LMAN2: variants seen among roughly 807,000 people sequenced by gnomAD.
The protein encoded by LMAN2 is vesicular integral-membrane protein VIP36.
In LMAN2, 22 loss-of-function variants were observed where a neutral mutation model predicts 39.3. The ratio of observed to expected loss-of-function variants is 0.56; its 90% CI spans 0.40 to 0.80. The LOEUF is 0.80. LMAN2 is among the 30% of genes least tolerant of loss of function. The probability of loss-of-function intolerance (pLI) is 0.00; values close to 1 mark genes in which losing one functional copy is unlikely to be tolerated. For missense variants in LMAN2, 494 were observed against 505.4 expected, an observed-to-expected ratio of 0.98 and a Z score of 0.22; for synonymous variants, 207 against 207.8, an observed-to-expected ratio of 1.00 and a Z score of 0.03.
At chr5:177,348,056 T>C (rs929756924) in intron 2 of LMAN2, among the ~76,000 whole-genome samples, 1 of 152,202 alleles carries the variant, frequency 6.6e-6, no homozygotes, top group African/African-American at 2.4e-5. Context: ...GTAGAAGTGG[T>C]ACTGAACTTG....
At position 177,346,461 on chromosome 5, in the gene LMAN2, G is replaced by T. The variant is rs1761639703; in HGVS notation, c.315+4712C>A. On this transcript the variant is annotated intron_variant, in intron 2 of 7. Transcript: ENST00000303127. ...TTTAATAAATTGATTACCGGTTGTT[G>T]TTTTTTTTTTAAAAAAAGCAAGCTT... 2.5e-5 allele frequency: 7 copies of T among 283,574 alleles called. No individual in the cohort carries two copies. In the South Asian group the frequency reaches 3.2e-4, roughly 13 times the overall value. The allele number at this position is 283,574 out of a possible 1,614,324, so 17.6% of individuals were successfully genotyped here.
In LMAN2 at chr5:177,332,368, C is replaced by T; in HGVS notation, c.911-122G>A. 1.1e-6 allele frequency: 1 copy of T among 878,684 alleles called. No individual in the cohort carries two copies. The highest frequency in any genetic ancestry group is 1.7e-6 in the Non-Finnish European group (1 of 573,930). 54.4% of individuals were successfully genotyped at this position (878,684 alleles called of 1,614,324 possible). On this transcript the variant is annotated intron_variant, in intron 7 of 7. Coordinates refer to ENST00000303127, the MANE Select transcript of LMAN2 (RefSeq NM_006816.3). This position sits in a 1 kb window ranked among gnomAD's most constrained non-coding sequence, Gnocchi z 6.3. ...CGGTGGGCAGGCCGGTCGTACTCAC[C>T]CCCCTCACCGGGGAGGGGCAGAGGT...
intron 2 of LMAN2, among the ~76,000 whole-genome samples, chr5:177,343,309 T>A (rs568301613): frequency 6.6e-6 from 1 of 152,180 alleles, no homozygotes; most frequent in Non-Finnish European, 1.5e-5. Context: ...ATTGGAATCC[T>A]TGTGCATTGC....
At chr5:177,339,265 C>T (rs1410973296) in intron 2 of LMAN2, among the ~76,000 whole-genome samples, 5 of 152,248 alleles carry the variant, frequency 3.3e-5, no homozygotes, top group Non-Finnish European at 5.9e-5. Context: ...ACCCTGCTAA[C>T]CAACCTTCCC....
chr5:177,345,785 T>TTTA (rs1258106131), intron 2 of LMAN2, among the ~76,000 whole-genome samples: 27 of 113,036 alleles, frequency 2.4e-4, no homozygotes, highest in South Asian at 9.3e-4. Flanking sequence ...TTATTTATTT[T>TTTA]TTGAGACAGT....
rs558106044 is a variant in LMAN2 at position 177,345,669 on chromosome 5, G to C, written c.315+5504C>G. On this transcript the variant is annotated intron_variant, in intron 2 of 7. Transcript: ENST00000303127. ...CTGTGGTCTGCCCGCTCCTGCTCCT[G>C]CCTCACCACTGTTTGCTCTGGCTGA... Among the ~76,000 whole-genome samples the C allele has an allele frequency of 3.5e-4, 53 of 152,262 alleles. 1 individual carries two copies. The highest frequency in any genetic ancestry group is 1.3e-3 in the African/African-American group (53 of 41,590).
intron 2 of LMAN2, among the ~76,000 whole-genome samples, chr5:177,348,199 T>C (rs1761663803): frequency 1.3e-5 from 2 of 152,204 alleles, no homozygotes; most frequent in African/African-American, 2.4e-5. Context: ...TTATCAAGTG[T>C]GTACAGATAA....
At chr5:177,333,673 G>A (rs1263207176) in intron 7 of LMAN2, among the ~76,000 whole-genome samples, 1 of 152,218 alleles carries the variant, frequency 6.6e-6, no homozygotes, top group East Asian at 1.9e-4. Context: ...GGCTCTTAGG[G>A]TGGACTTCTC....
chr5:177,332,383 G>C lies in LMAN2; in HGVS notation c.911-137C>G. 3.9e-6 allele frequency: 3 copies of C among 768,236 alleles called. No individual in the cohort carries two copies. The South Asian group carries it at 5.1e-5, about 13-fold the overall frequency. 47.6% of individuals were successfully genotyped at this position (768,236 alleles called of 1,614,324 possible). ...TCGTACTCACCCCCCTCACCGGGGA[G>C]GGGCAGAGGTCAGGTGAAGCCCATC... is the stretch of plus-strand genomic sequence containing the variant. On this transcript the variant is annotated intron_variant, in intron 7 of 7. Transcript: ENST00000303127. The surrounding 1 kb of genome is among the most constrained non-coding windows in gnomAD (Gnocchi z 6.3).
intron 6 of LMAN2, among the ~76,000 whole-genome samples, chr5:177,334,868 AC>A (rs1196096697): frequency 6.6e-6 from 1 of 152,212 alleles, no homozygotes; most frequent in Non-Finnish European, 1.5e-5. Flanking sequence ...GGCAGGAGCC[AC>A]CAGACATTCT....
Position 177,332,777 on chromosome 5 carries a change from C to A in LMAN2, c.911-531G>T, listed in dbSNP as rs35582636. Among the ~76,000 whole-genome samples, 30,897 of 152,130 alleles carry A rather than the reference C, an allele frequency of 0.2. 3,499 individuals are homozygous for A. Among genetic ancestry groups the A allele is most frequent in the South Asian group, 0.25 (1,183 of 4,822 alleles). On this transcript the variant is annotated intron_variant, in intron 7 of 7. Coordinates refer to ENST00000303127, the MANE Select transcript of LMAN2 (RefSeq NM_006816.3). The surrounding 1 kb of genome is among the most constrained non-coding windows in gnomAD (Gnocchi z 6.3). Reference sequence around the variant, plus strand: ...ACACAAGGTTCCCACAGGTCCTGCCCATCCTGGGATGGGGCCCACTGGTAC... The same window carrying A: ...ACACAAGGTTCCCACAGGTCCTGCCAATCCTGGGATGGGGCCCACTGGTAC...
intron 2 of LMAN2, among the ~76,000 whole-genome samples, chr5:177,348,637 G>C (rs1333206917): frequency 3.6e-5 from 5 of 138,804 alleles, no homozygotes; most frequent in South Asian, 2.4e-4. Flanking sequence ...GCAGTGAGCT[G>C]AGATCGCACC....
Position 177,332,930 on chromosome 5 carries a change from G to A in LMAN2, c.911-684C>T, listed in dbSNP as rs545591207. 2.6e-3 allele frequency among the ~76,000 whole-genome samples: 390 copies of A among 151,488 alleles called. 2 individuals carry two copies. Among genetic ancestry groups the A allele is most frequent in the Middle Eastern group, 6.8e-3 (2 of 292 alleles). ...CTCCCTCCCTGACTGCGGCCCCCCC[G>A]ACTCCACACTGTACAGTCTCCTCAG... is the stretch of plus-strand genomic sequence containing the variant. On this transcript the variant is annotated intron_variant, in intron 7 of 7. Coordinates refer to ENST00000303127, the MANE Select transcript of LMAN2 (RefSeq NM_006816.3). The surrounding 1 kb of genome is among the most constrained non-coding windows in gnomAD (Gnocchi z 6.3).
At chr5:177,333,584 T>C (rs759272644) in intron 7 of LMAN2, among the ~76,000 whole-genome samples, 51 of 152,346 alleles carry the variant, frequency 3.3e-4, no homozygotes, top group Middle Eastern at 3.4e-3. Context: ...CCACACGGCA[T>C]GGGGACCCAG....
chr5:177,339,516 G>A (rs552861745), intron 2 of LMAN2, among the ~76,000 whole-genome samples: 5 of 152,200 alleles, frequency 3.3e-5, no homozygotes, highest in East Asian at 3.8e-4. Context: ...TCAGGAAGTC[G>A]CTTGTGAAAA....
In LMAN2 at chr5:177,342,444, G is replaced by A. The variant is rs906065651; in HGVS notation, c.316-3839C>T. Among the ~76,000 whole-genome samples, 6 of 152,214 alleles carry A rather than the reference G, an allele frequency of 3.9e-5. No individual in the cohort carries two copies. The South Asian group carries it at 6.2e-4, about 16-fold the overall frequency. On this transcript the variant is annotated intron_variant, in intron 2 of 7. Transcript: ENST00000303127. ...CACACCTGTAATCTGAAACACTTTG[G>A]GAGGCTGAGGCAGGTGGATCACCAG...
intron 6 of LMAN2, among the ~76,000 whole-genome samples, chr5:177,335,373 A>G (rs1177419853): frequency 6.6e-6 from 1 of 152,194 alleles, no homozygotes; most frequent in African/African-American, 2.4e-5. Context: ...CGAGATGGCC[A>G]TCTGCCTAAA....
intron 2 of LMAN2, among the ~76,000 whole-genome samples, chr5:177,340,564 G>T (rs1435571756): frequency 6.6e-6 from 1 of 152,098 alleles, no homozygotes; most frequent in African/African-American, 2.4e-5. Flanking sequence ...GATCACTTGA[G>T]GTTGAGGCCA....
intron 2 of LMAN2, among the ~76,000 whole-genome samples, chr5:177,347,916 CAAGAT>C (rs1030707696): frequency 3.3e-5 from 5 of 152,024 alleles, no homozygotes; most frequent in African/African-American, 1.2e-4. Flanking sequence ...TCCAAGAGTT[CAAGAT>C]AAGACTGGGC....
Sources: allele counts gnomAD v4.1 joint callset (sites outside exome capture counted in the v4.1 genomes callset), GRCh38; gene constraint gnomAD v4.1.1; non-coding constraint Gnocchi (gnomAD v3.1); transcripts MANE v1.5; gene names NCBI Gene and HGNC (gene_info 2026-07-23, HGNC 2026-07-21).